MAST2: variants seen among roughly 807,000 people sequenced by gnomAD.
MAST2 encodes microtubule-associated serine/threonine-protein kinase 2.
Under a neutral mutation model 147.4 loss-of-function variants are expected in MAST2, and 70 were observed. The observed-to-expected ratio is 0.47, with a 90% CI of 0.39 to 0.58. The LOEUF (loss-of-function observed/expected upper bound fraction) is 0.58, where lower values mean the gene tolerates loss of function less well. MAST2 is among the 20% of genes least tolerant of loss of function. The pLI is 0.00. For missense variants in MAST2, 2,080 were observed against 2,302.3 expected (o/e 0.90, Z 1.98); for synonymous variants, 869 against 896.8 (o/e 0.97, Z 0.55).
At chr1:46,003,759 A>G (rs1420856893) in intron 7 of MAST2, among the ~76,000 whole-genome samples, 3 of 152,260 alleles carry the variant, frequency 2.0e-5, no homozygotes, top group African/African-American at 7.2e-5. Context: ...GAACTGCCAC[A>G]CCCAGCCGAG....
At position 45,830,048 on chromosome 1, in the gene MAST2, G is replaced by A. The variant is rs145303311; in HGVS notation, c.468+467G>A. On this transcript the variant is annotated intron_variant, in intron 3 of 28. Transcript: ENST00000361297. ...TTTTTTGTATTACTAGTAGAGATGG[G>A]GTTTCACTGTGTTGGCTAGGCTGGT... Among the ~76,000 whole-genome samples the A allele has an allele frequency of 2.9e-3, 433 of 151,482 alleles. 1 individual carries two copies. Among genetic ancestry groups the A allele is most frequent in the African/African-American group, 9.9e-3 (410 of 41,244 alleles).
intron 26 of MAST2, 38 bp downstream of exon 26, chr1:46,032,756 G>T: frequency 1.3e-6 from 2 of 1,594,596 alleles, no homozygotes; most frequent in South Asian, 2.3e-5. Context: ...GTCCCTGAAT[G>T]ACCTCAGCCT....
chr1:45,908,864 T>C (rs1483798317), intron 4 of MAST2, among the ~76,000 whole-genome samples: 1 of 152,180 alleles, frequency 6.6e-6, no homozygotes, highest in Non-Finnish European at 1.5e-5. Context: ...GCCTGACTTT[T>C]GAGTTTCCCT....
At chr1:45,930,198 C>T (rs533942657) in intron 4 of MAST2, among the ~76,000 whole-genome samples, 6 of 152,188 alleles carry the variant, frequency 3.9e-5, no homozygotes, top group South Asian at 2.1e-4. Flanking sequence ...CTGCCTCAGT[C>T]TCCCCAGTAG....
chr1:45,833,335 T>A (rs925988753), intron 3 of MAST2, among the ~76,000 whole-genome samples: 12 of 152,168 alleles, frequency 7.9e-5, no homozygotes, highest in Admixed American at 5.2e-4. Flanking sequence ...ATCGTATCAT[T>A]ATATGTGCCT....
rs1189343263 is a variant in MAST2 at position 46,029,887 on chromosome 1, C to T, written c.2377C>T (p.Leu793Phe). 4.3e-6 allele frequency: 7 copies of T among 1,614,222 alleles called. No individual in the cohort carries two copies. Among genetic ancestry groups the T allele is most frequent in the Non-Finnish European group, 5.1e-6 (6 of 1,180,026 alleles). ...CTTTACTGGTCTGGACTGGACAGGA[C>T]TTCTCCGCCAGAAGGCTGAATTTAT... is the stretch of plus-strand genomic sequence containing the variant. The part of the protein sequence containing the change: ...PFFTGLDWTG[L>F]LRQKAEFIPQ... The change falls in exon 20 of 29, where the codon CTT becomes TTT. Residue 793 changes from leucine to phenylalanine, a missense_variant. Around this residue, in one of 4 missense-constraint regions of MAST2, gnomAD observed 1,278 missense variants for 1,304.2 expected, o/e 0.98. Transcript: ENST00000361297.
chr1:45,891,925 A>C (rs1647863671), intron 4 of MAST2, among the ~76,000 whole-genome samples: 1 of 152,094 alleles, frequency 6.6e-6, no homozygotes, highest in South Asian at 2.1e-4. Context: ...AATAACTATA[A>C]ATTTGGGTGA....
chr1:45,856,357 A>G (rs534661738), intron 3 of MAST2, among the ~76,000 whole-genome samples: 31 of 152,306 alleles, frequency 2.0e-4, no homozygotes, highest in African/African-American at 7.0e-4. Flanking sequence ...TGGAACTAAT[A>G]TGTGGCTTCT....
intron 4 of MAST2, among the ~76,000 whole-genome samples, chr1:45,889,210 G>A (rs1647286468): frequency 6.6e-6 from 1 of 151,230 alleles, no homozygotes. Flanking sequence ...TTTTGAAACA[G>A]AATCTCACTT....
At chr1:45,913,187 G>A (rs539053041) in intron 4 of MAST2, among the ~76,000 whole-genome samples, 2 of 152,304 alleles carry the variant, frequency 1.3e-5, no homozygotes, top group South Asian at 4.1e-4. Flanking sequence ...GTCAGATTCG[G>A]CATTTGAATA....
Position 46,035,512 on chromosome 1 carries a change from G to A in MAST2, c.4843G>A (p.Gly1615Ser), listed in dbSNP as rs1646867839. 3 of 1,613,228 alleles carry A rather than the reference G, an allele frequency of 1.9e-6. No individual in the cohort carries two copies. The Admixed American group carries it at 5.0e-5, about 27-fold the overall frequency. ...SGATDPIPPEGCWKAQHLHTQ... is the reference protein window; with the variant it reads ...SGATDPIPPESCWKAQHLHTQ... ...AGCCACAGACCCCATCCCTCCTGAA[G>A]GTTGCTGGAAGGCCCAGCACCTCCA... Residue 1615 changes from glycine (G) to serine (S), a missense_variant, in exon 29 of 29, where the codon GGT becomes AGT. Transcript: ENST00000361297. The surrounding 1 kb of genome is among the most constrained non-coding windows in gnomAD (Gnocchi z 5.5).
chr1:46,023,483 T>A lies in MAST2; in HGVS notation c.1571+165T>A. 1 of 659,100 alleles carries A rather than the reference T, an allele frequency of 1.5e-6. No homozygotes were observed. The allele number at this position is 659,100 out of a possible 1,614,324, so 40.8% of individuals were successfully genotyped here. A position where few individuals can be genotyped will look rare whatever the true frequency, so the allele number is the denominator to read the frequency against. ...GGCAGGAGTTCAGATTCCTCTGACA[T>A]CCGATCATTGTTCCTTTCCCAGACA... is the stretch of plus-strand genomic sequence containing the variant. On this transcript the variant is annotated intron_variant, in intron 14 of 28. Coordinates refer to ENST00000361297, the MANE Select transcript of MAST2 (RefSeq NM_015112.3). The surrounding 1 kb of genome is among the most constrained non-coding windows in gnomAD (Gnocchi z 4.9).
At chr1:45,869,223 C>T (rs1256505202) in intron 3 of MAST2, among the ~76,000 whole-genome samples, 1 of 152,158 alleles carries the variant, frequency 6.6e-6, no homozygotes, top group Non-Finnish European at 1.5e-5. Context: ...ATATTATAGT[C>T]ATTATGGGTA....
intron 4 of MAST2, among the ~76,000 whole-genome samples, chr1:45,943,682 G>T (rs931862117): frequency 3.3e-5 from 5 of 152,096 alleles, no homozygotes; most frequent in African/African-American, 1.2e-4. Context: ...GGAGGCAGAG[G>T]TTGCCGTGAG....
At chr1:45,993,349 GT>G (rs1312716725) in intron 5 of MAST2, among the ~76,000 whole-genome samples, 1 of 151,754 alleles carries the variant, frequency 6.6e-6, no homozygotes, top group African/African-American at 2.4e-5. Flanking sequence ...TAGTTTTTTT[GT>G]TTGAAAAAGT....
intron 4 of MAST2, among the ~76,000 whole-genome samples, chr1:45,925,872 T>C (rs931463069): frequency 2.0e-5 from 3 of 152,190 alleles, no homozygotes; most frequent in African/African-American, 7.2e-5. Flanking sequence ...CCAATTTAGT[T>C]CTCTGGCACC....
chr1:46,006,483 G>T (rs1476562171), intron 8 of MAST2, 88 bp downstream of exon 8: 1 of 1,256,332 alleles, frequency 8.0e-7, no homozygotes. Flanking sequence ...TGCTATAAGG[G>T]GCCAAGATAG....
At chr1:45,933,007 T>C (rs1655562084) in intron 4 of MAST2, among the ~76,000 whole-genome samples, 2 of 144,254 alleles carry the variant, frequency 1.4e-5, no homozygotes, top group African/African-American at 2.6e-5. Flanking sequence ...CCCAGCACTT[T>C]AGGGGGCTGA....
intron 4 of MAST2, among the ~76,000 whole-genome samples, chr1:45,937,751 C>CAAAAAAAAAAAAAA (rs34830747): frequency 8.2e-5 from 6 of 73,216 alleles, no homozygotes; most frequent in African/African-American, 2.2e-4. Context: ...AACTCCATCT[C>CAAAAAAAAAAAAAA]AAAAAAAAAA....
Sources: gnomAD v4.1 joint callset for allele counts (sites outside exome capture counted in the v4.1 genomes callset) on GRCh38, gnomAD v4.1.1 for gene constraint, gnomAD v4.1.1 regional missense constraint, Gnocchi (gnomAD v3.1) non-coding constraint, MANE v1.5 for transcripts, NCBI Gene and HGNC (gene_info 2026-07-23, HGNC 2026-07-21) for gene names.